Variants in DCLK3 observed in about 807,000 individuals in gnomAD.
DCLK3 encodes serine/threonine-protein kinase DCLK3.
A neutral mutation model predicts 46.4 loss-of-function variants in DCLK3; 30 were observed. The observed-to-expected ratio is 0.65, with a 90% CI of 0.48 to 0.88. DCLK3 has a LOEUF of 0.88. Ranked by LOEUF, DCLK3 falls within the 40% of genes least tolerant of loss-of-function variation. The probability of loss-of-function intolerance (pLI) is 0.00; values close to 1 mark genes in which losing one functional copy is unlikely to be tolerated. For missense variants in DCLK3, 846 were observed against 907.1 expected (o/e 0.93, Z 0.87); for synonymous variants, 401 against 339.2 (o/e 1.18, Z -2.00).
chr3:36,744,884 G>A (rs1009300063), intron 1 of DCLK3, among the ~76,000 whole-genome samples: 16 of 152,184 alleles, frequency 1.1e-4, no homozygotes, highest in African/African-American at 3.6e-4. Flanking sequence ...TCTGCTCATC[G>A]ACCCTAGGAT....
chr3:36,734,476 T>TGCAG (rs1339237786), intron 2 of DCLK3, among the ~76,000 whole-genome samples: 2 of 152,196 alleles, frequency 1.3e-5, no homozygotes, highest in Non-Finnish European at 2.9e-5. Flanking sequence ...TTCTACAGTT[T>TGCAG]CTGAAGAAGC....
rs183394515 is a variant in DCLK3, at chr3:36,750,992, T to A, written c.83-11908A>T. Among the ~76,000 whole-genome samples the A allele has an allele frequency of 4.2e-5, 6 of 142,664 alleles. No homozygotes were observed. In the Admixed American group the frequency reaches 4.5e-4, roughly 11 times the overall value. 93.6% of individuals were successfully genotyped at this position (142,664 alleles called of 152,430 possible). On this transcript the variant is annotated intron_variant, in intron 1 of 4. Coordinates refer to ENST00000636136, the MANE Select transcript of DCLK3 (RefSeq NM_001394672.2). ...CAACATCCAACTGGGCAAAATTAAG[T>A]CACACAGTGTTCCTGCAGCTGGCAA...
At chr3:36,722,992 C>G (rs149879417) in intron 2 of DCLK3, among the ~76,000 whole-genome samples, 3 of 152,146 alleles carry the variant, frequency 2.0e-5, no homozygotes, top group African/African-American at 4.8e-5. Context: ...CAGAAGAAGA[C>G]AGAAAAATGT....
chr3:36,738,045 G>T lies in DCLK3; in HGVS notation c.1122C>A (p.Ser374Arg). The T allele has an allele frequency of 1.2e-6, 2 of 1,613,968 alleles. No homozygotes were observed. The highest frequency in any genetic ancestry group is 1.7e-6 in the Non-Finnish European group (2 of 1,179,966). ...GCTCTTGAGTGGGATTCCTGGGGCT[G>T]CTCCTGTGGCTGTCACCCTTCCACC... ...EEGWKGDSHR[S>R]SPRNPTQELR... is the part of the protein sequence containing the mutation. The change falls in exon 2 of 5, where the codon AGC becomes AGA. Residue 374 changes from serine to arginine, a missense_variant. Around this residue, in one of 3 missense-constraint regions of DCLK3, gnomAD observed 553 missense variants for 543.0 expected, o/e 1.02. Transcript: ENST00000636136.
At chr3:36,740,616 T>C (rs1186118344) in intron 1 of DCLK3, among the ~76,000 whole-genome samples, 13 of 152,218 alleles carry the variant, frequency 8.5e-5, no homozygotes, top group Non-Finnish European at 2.9e-5. Context: ...TAATTGACTA[T>C]ACCCAGCCAG....
At position 36,721,555 on chromosome 3, in the gene DCLK3, G is replaced by A. The variant is rs778712003; in HGVS notation, c.2064C>T (p.Tyr688=). 3.8e-5 allele frequency: 61 copies of A among 1,613,978 alleles called. No homozygotes were observed. Among genetic ancestry groups the A allele is most frequent in the Middle Eastern group, 1.6e-4 (1 of 6,084 alleles). ...PIFTVCGTPT[Y]VAPEILSEKG... Reference sequence around the variant, plus strand: ...TCTCAGAAAGAATTTCGGGAGCTACGTAAGTTGGGGTCCCACACACAGTAA... The same window carrying A: ...TCTCAGAAAGAATTTCGGGAGCTACATAAGTTGGGGTCCCACACACAGTAA... The change falls in exon 3 of 5, where the codon TAC becomes TAT. Residue 688 remains tyrosine (Y), a synonymous_variant. Transcript: ENST00000636136.
chr3:36,718,639 A>G (rs1220703363), intron 3 of DCLK3, among the ~76,000 whole-genome samples: 2 of 152,218 alleles, frequency 1.3e-5, no homozygotes, highest in African/African-American at 4.8e-5. Context: ...ACTGTACTGG[A>G]AACTTTAAAA....
chr3:36,751,082 A>AAAAAAAAAAAAAAAAC (rs1701437739), intron 1 of DCLK3, among the ~76,000 whole-genome samples: 2 of 151,510 alleles, frequency 1.3e-5, no homozygotes, highest in Non-Finnish European at 2.9e-5. Context: ...AAAAAAAAAA[A>AAAAAAAAAAAAAAAAC]AAAACTCCCC....
intron 3 of DCLK3, among the ~76,000 whole-genome samples, chr3:36,719,905 T>C (rs1039311997): frequency 2.0e-5 from 3 of 152,228 alleles, no homozygotes; most frequent in Non-Finnish European, 4.4e-5. Context: ...TTTCTTTTCT[T>C]CTCTTATCCA....
intron 1 of DCLK3, among the ~76,000 whole-genome samples, chr3:36,740,019 G>C (rs1184564515): frequency 1.3e-5 from 2 of 151,554 alleles, no homozygotes; most frequent in African/African-American, 2.4e-5. Context: ...AGGTGGAGCA[G>C]TATGCGAAGA....
In DCLK3 at chr3:36,717,569, T is replaced by C. The variant is rs558799052; in HGVS notation, c.2260+441A>G. Among the ~76,000 whole-genome samples, 19 of 152,222 alleles carry C rather than the reference T, an allele frequency of 1.2e-4. 1 individual carries two copies. The highest frequency in any genetic ancestry group is 4.6e-4 in the African/African-American group (19 of 41,542). On this transcript the variant is annotated intron_variant, in intron 4 of 4. Transcript: ENST00000636136. ...CAGGGAGGACCATGCATGCTCCAAG[T>C]CACTAAAAAATAACTGAGATCTTCA...
At chr3:36,748,414 A>G (rs1701411236) in intron 1 of DCLK3, among the ~76,000 whole-genome samples, 1 of 152,168 alleles carries the variant, frequency 6.6e-6, no homozygotes, top group Admixed American at 6.5e-5. Context: ...GTGACAAGGC[A>G]CAGCAGAGTG....
In DCLK3 at chr3:36,738,038, T is replaced by G; in HGVS notation, c.1129A>C (p.Arg377=). The part of the protein sequence containing the change: ...WKGDSHRSSP[R]NPTQELRRPS... The stretch of plus-strand genomic sequence containing the variant: ...CTCCTCAGCTCTTGAGTGGGATTCC[T>G]GGGGCTGCTCCTGTGGCTGTCACCC... The change falls in exon 2 of 5, where the codon AGG becomes CGG. Residue 377 remains arginine, a synonymous_variant. Coordinates refer to ENST00000636136, the MANE Select transcript of DCLK3 (RefSeq NM_001394672.2). 16 of 1,614,086 alleles carry G rather than the reference T, an allele frequency of 9.9e-6. No homozygotes were observed. Among genetic ancestry groups the G allele is most frequent in the Non-Finnish European group, 1.3e-5 (15 of 1,179,978 alleles).
At chr3:36,734,356 T>C (rs1701234202) in intron 2 of DCLK3, among the ~76,000 whole-genome samples, 1 of 152,186 alleles carries the variant, frequency 6.6e-6, no homozygotes, top group Non-Finnish European at 1.5e-5. Flanking sequence ...ATAAACATGT[T>C]TTATAAATGT....
chr3:36,737,408 G>A lies in DCLK3; in HGVS notation c.1759C>T (p.His587Tyr), dbSNP rs539549840. ...SLSHPNIVKL[H>Y]EVYETDMEIY... The stretch of plus-strand genomic sequence containing the variant: ...TCCATGTCTGTTTCGTAGACTTCAT[G>A]CAATTTCACGATGTTGGGGTGAGAG... The change falls in exon 2 of 5, where the codon CAT becomes TAT. Residue 587 changes from histidine (H) to tyrosine (Y), a missense_variant. This residue lies in a region of DCLK3 where 247 missense variants were observed against 322.8 expected (regional missense o/e 0.77). Transcript: ENST00000636136. The surrounding 1 kb of genome is among the most constrained non-coding windows in gnomAD (Gnocchi z 4.4). The A allele has an allele frequency of 1.7e-4, 273 of 1,614,072 alleles. No individual in the cohort carries two copies. The highest frequency in any genetic ancestry group is 2.2e-4 in the Non-Finnish European group (255 of 1,180,046).
At chr3:36,751,200 A>G (rs932447311) in intron 1 of DCLK3, among the ~76,000 whole-genome samples, 21 of 152,046 alleles carry the variant, frequency 1.4e-4, no homozygotes, top group African/African-American at 5.1e-4. Context: ...GTTTTCCCCT[A>G]ATTCAAAAGA....
chr3:36,737,787 T>A lies in DCLK3; in HGVS notation c.1380A>T (p.Arg460=), dbSNP rs1701284801. The stretch of plus-strand genomic sequence containing the variant: ...CCTTCTCTGCCTCCTTCTCTTCTCC[T>A]CGGGTCCTGCGGAGCTTCTCAAAGC... ...QAGFEKLRRT[R]GEEKEAEKEK... Residue 460 remains arginine (R), a synonymous_variant, in exon 2 of 5, where the codon CGA becomes CGT. Transcript: ENST00000636136. This position sits in a 1 kb window ranked among gnomAD's most constrained non-coding sequence, Gnocchi z 4.4. 1.2e-6 allele frequency: 2 copies of A among 1,614,032 alleles called. No homozygotes were observed. Among genetic ancestry groups the A allele is most frequent in the Non-Finnish European group, 1.7e-6 (2 of 1,180,042 alleles).
chr3:36,718,789 T>G (rs1209038433), intron 3 of DCLK3, among the ~76,000 whole-genome samples: 1 of 152,200 alleles, frequency 6.6e-6, no homozygotes, highest in Admixed American at 6.5e-5. Flanking sequence ...GACTGATGTT[T>G]ACTAGCTGTA....
chr3:36,762,449 G>T (rs574261606), intron 1 of DCLK3, among the ~76,000 whole-genome samples: 1 of 152,264 alleles, frequency 6.6e-6, no homozygotes, highest in African/African-American at 2.4e-5. Flanking sequence ...CAAGCCAAGC[G>T]AGGGAAACAA....
Sources: allele counts gnomAD v4.1 joint callset (sites outside exome capture counted in the v4.1 genomes callset), GRCh38; gene constraint gnomAD v4.1.1; regional missense constraint gnomAD v4.1.1; non-coding constraint Gnocchi (gnomAD v3.1); transcripts MANE v1.5; gene names NCBI Gene and HGNC (gene_info 2026-07-23, HGNC 2026-07-21).